Variants in OPCML observed in about 807,000 individuals in gnomAD.
The protein encoded by OPCML is opioid-binding protein/cell adhesion molecule.
Under a neutral mutation model 37.8 loss-of-function variants are expected in OPCML, and 13 were observed. The ratio of observed to expected loss-of-function variants is 0.34; its 90% CI spans 0.22 to 0.55. The LOEUF (loss-of-function observed/expected upper bound fraction) is 0.55. Among genes scored for constraint, OPCML ranks in the 20% least tolerant of loss-of-function variants. The pLI, the probability that OPCML is intolerant of heterozygous loss-of-function variation, is 0.91. For missense variants in OPCML, 341 were observed against 435.6 expected (o/e 0.78, Z 1.93); for synonymous variants, 176 against 168.8 (o/e 1.04, Z -0.33).
At chr11:132,539,675 G>C (rs1340853811) in intron 3 of OPCML, among the ~76,000 whole-genome samples, 1 of 152,012 alleles carries the variant, frequency 6.6e-6, no homozygotes, top group Non-Finnish European at 1.5e-5. Context: ...TGGTGATTAT[G>C]GTGATGGTGG....
At chr11:133,230,471 G>C (rs1414304386) in intron 1 of OPCML, among the ~76,000 whole-genome samples, 3 of 152,166 alleles carry the variant, frequency 2.0e-5, no homozygotes, top group Non-Finnish European at 4.4e-5. Context: ...AAGGGATGCT[G>C]ACCTAAGGAA....
At chr11:133,241,897 C>G (rs1315516616) in intron 1 of OPCML, among the ~76,000 whole-genome samples, 1 of 152,230 alleles carries the variant, frequency 6.6e-6, no homozygotes, top group African/African-American at 2.4e-5. Flanking sequence ...CAAATCCTGC[C>G]TATCCTACCG....
chr11:132,724,675 A>G (rs962811643), intron 2 of OPCML, among the ~76,000 whole-genome samples: 1 of 152,218 alleles, frequency 6.6e-6, no homozygotes, highest in Admixed American at 6.5e-5. Context: ...ATCTGAGACA[A>G]TGCAAGTTCC....
chr11:132,442,020 C>T (rs1005047646), intron 4 of OPCML, among the ~76,000 whole-genome samples: 3 of 152,184 alleles, frequency 2.0e-5, no homozygotes, highest in African/African-American at 7.2e-5. Flanking sequence ...CACTGGCTGG[C>T]CTGCTGGCTC....
intron 1 of OPCML, among the ~76,000 whole-genome samples, chr11:133,481,591 T>A (rs141917766): frequency 6.6e-6 from 1 of 152,208 alleles, no homozygotes; most frequent in African/African-American, 2.4e-5. Context: ...GTATCTTAAA[T>A]CAGTGGTGAA....
intron 7 of OPCML, among the ~76,000 whole-genome samples, chr11:132,431,071 G>T (rs917991441): frequency 3.3e-5 from 5 of 152,158 alleles, no homozygotes; most frequent in African/African-American, 9.7e-5. Flanking sequence ...AGGTGCCAAG[G>T]GGCTCCCTGT....
At chr11:132,491,410 C>G (rs971702002) in intron 4 of OPCML, among the ~76,000 whole-genome samples, 7 of 152,242 alleles carry the variant, frequency 4.6e-5, no homozygotes, top group Admixed American at 1.3e-4. Flanking sequence ...CTTGCTCTTT[C>G]CCGAGAGTGC....
chr11:133,458,249 TATATATACACGTGTGTGTATATATAC>T (rs1946729902), intron 1 of OPCML, among the ~76,000 whole-genome samples: 1 of 58,500 alleles, frequency 1.7e-5, no homozygotes, highest in Non-Finnish European at 2.8e-5. Context: ...TATATACACA[TATATATACACGTGTGTGTATATATAC>T]ACACATATAT....
At chr11:133,473,455 C>G (rs528589695) in intron 1 of OPCML, among the ~76,000 whole-genome samples, 1 of 152,146 alleles carries the variant, frequency 6.6e-6, no homozygotes, top group East Asian at 1.9e-4. Flanking sequence ...AATTTCAACC[C>G]CTTTAAAAAG....
intron 2 of OPCML, among the ~76,000 whole-genome samples, chr11:132,747,285 A>T (rs1945664403): frequency 6.6e-6 from 1 of 152,168 alleles, no homozygotes; most frequent in Non-Finnish European, 1.5e-5. Context: ...AAGAGGTATT[A>T]TAGGAAGCAG....
At chr11:133,390,472 AACAACAACG>A (rs971919384) in intron 1 of OPCML, among the ~76,000 whole-genome samples, 1 of 150,790 alleles carries the variant, frequency 6.6e-6, no homozygotes. Context: ...CAACAAAAAC[AACAACAACG>A]ACAACAACAA....
intron 2 of OPCML, among the ~76,000 whole-genome samples, chr11:132,735,100 C>T (rs1945210010): frequency 6.6e-6 from 1 of 152,072 alleles, no homozygotes; most frequent in South Asian, 2.1e-4. Flanking sequence ...AGAGAAAACA[C>T]TTTTAAATAT....
intron 1 of OPCML, among the ~76,000 whole-genome samples, chr11:133,010,296 G>T (rs1471111903): frequency 1.3e-5 from 2 of 152,164 alleles, no homozygotes; most frequent in Non-Finnish European, 2.9e-5. Flanking sequence ...GCATCTAGCA[G>T]AATGTTTGCT....
chr11:132,852,917 AAAG>A (rs1389203540), intron 2 of OPCML, among the ~76,000 whole-genome samples: 2 of 152,070 alleles, frequency 1.3e-5, no homozygotes, highest in East Asian at 1.9e-4. Context: ...AAAAAAAAAA[AAAG>A]AAGAAGATTT....
intron 3 of OPCML, among the ~76,000 whole-genome samples, chr11:132,575,671 C>G (rs2096448747): frequency 1.3e-5 from 2 of 151,760 alleles, no homozygotes; most frequent in Admixed American, 6.6e-5. Flanking sequence ...TACTCACTAC[C>G]ATTACAGTAA....
chr11:133,401,719 T>G (rs890620697), intron 1 of OPCML, among the ~76,000 whole-genome samples: 3 of 152,148 alleles, frequency 2.0e-5, no homozygotes, highest in Non-Finnish European at 4.4e-5. Context: ...TGAGAAGATG[T>G]CTAGTTTCTC....
At chr11:133,262,451 C>G (rs942120789) in intron 1 of OPCML, among the ~76,000 whole-genome samples, 3 of 152,190 alleles carry the variant, frequency 2.0e-5, no homozygotes, top group Non-Finnish European at 2.9e-5. Flanking sequence ...CTAACACCAT[C>G]TAACAGGCAT....
chr11:133,014,242 G>T (rs1947275097), intron 1 of OPCML, among the ~76,000 whole-genome samples: 1 of 151,988 alleles, frequency 6.6e-6, no homozygotes, highest in Non-Finnish European at 1.5e-5. Flanking sequence ...GAATTCAAAA[G>T]CCACCTCTTG....
At chr11:132,624,239 C>G (rs1939601287) in intron 3 of OPCML, among the ~76,000 whole-genome samples, 1 of 152,140 alleles carries the variant, frequency 6.6e-6, no homozygotes, top group Admixed American at 6.5e-5. Flanking sequence ...CAAACAGGCT[C>G]AAGTGTTTAT....
Sources: gnomAD v4.1 joint callset for allele counts (sites outside exome capture counted in the v4.1 genomes callset) on GRCh38, gnomAD v4.1.1 for gene constraint, MANE v1.5 for transcripts, NCBI Gene and HGNC (gene_info 2026-07-23, HGNC 2026-07-21) for gene names.